Variants in AFF3 observed in about 807,000 individuals in gnomAD.
AFF3 encodes the protein AF4/FMR2 family member 3.
A neutral mutation model predicts 129.7 loss-of-function variants in AFF3; 32 were observed. The ratio of observed to expected loss-of-function variants is 0.25; its 90% confidence interval spans 0.19 to 0.33. The LOEUF (loss-of-function observed/expected upper bound fraction) is 0.33. AFF3 is among the 10% of genes least tolerant of loss of function. AFF3 has a pLI of 1.00. For missense variants in AFF3, 1,373 were observed against 1,592.0 expected (o/e 0.86, Z 2.34); for synonymous variants, 644 against 635.4 (o/e 1.01, Z -0.20).
chr2:100,124,259 A>C (rs1692097157), intron 2 of AFF3, among the ~76,000 whole-genome samples: 1 of 152,140 alleles, frequency 6.6e-6, no homozygotes, highest in Non-Finnish European at 1.5e-5. Context: ...TTGAAGAAAA[A>C]ATTTCCAAAG....
chr2:100,102,474 TGTAA>T (rs924659999), intron 4 of AFF3, among the ~76,000 whole-genome samples: 4 of 152,152 alleles, frequency 2.6e-5, no homozygotes, highest in South Asian at 4.1e-4. Flanking sequence ...TTAAAAAACG[TGTAA>T]GTTTTTGTTT....
At position 100,026,231 on chromosome 2, in the gene AFF3, G is replaced by C. The variant is rs576222706; in HGVS notation, c.54-17299C>G. Among the ~76,000 whole-genome samples the C allele has an allele frequency of 2.1e-4, 32 of 152,118 alleles. No homozygotes were observed. The South Asian group carries it at 4.8e-3, about 23-fold the overall frequency. On this transcript the variant is annotated intron_variant, in intron 4 of 24. Coordinates refer to ENST00000672756, the MANE Select transcript of AFF3 (RefSeq NM_001386135.1). ...AAACAAACAATCCCATAAAAAAGTG[G>C]GCTAAGGACATGAATAGACAATTCT...
chr2:99,675,893 TAAAC>T (rs1687562394), intron 11 of AFF3, among the ~76,000 whole-genome samples: 3 of 151,620 alleles, frequency 2.0e-5, no homozygotes, highest in African/African-American at 2.4e-5. Flanking sequence ...AAACAATAAA[TAAAC>T]AAACAAAAGT....
At chr2:99,909,430 A>C (rs1177593558) in intron 7 of AFF3, among the ~76,000 whole-genome samples, 5 of 134,370 alleles carry the variant, frequency 3.7e-5, no homozygotes, top group African/African-American at 1.4e-4. Context: ...TAGCATTAGG[A>C]GATATACCTA....
chr2:99,770,930 G>T (rs767634383), intron 8 of AFF3, among the ~76,000 whole-genome samples: 25 of 152,232 alleles, frequency 1.6e-4, no homozygotes, highest in Middle Eastern at 3.4e-3. Flanking sequence ...TTTTGAAGCT[G>T]GGAGCTTTGT....
intron 8 of AFF3, among the ~76,000 whole-genome samples, chr2:99,812,757 G>A (rs1471230513): frequency 6.6e-6 from 1 of 152,040 alleles, no homozygotes; most frequent in Non-Finnish European, 1.5e-5. Context: ...TTATTCAGCT[G>A]TTTAAAAGCA....
intron 18 of AFF3, among the ~76,000 whole-genome samples, chr2:99,570,483 T>C (rs1676374865): frequency 6.6e-6 from 1 of 152,128 alleles, no homozygotes; most frequent in Non-Finnish European, 1.5e-5. Flanking sequence ...ACTACAGGTG[T>C]GTGCCACTAT....
In AFF3 at chr2:99,547,607, C is replaced by T. The variant is rs1674126172; in HGVS notation, c.*3867G>A. The stretch of plus-strand genomic sequence containing the variant: ...ACTGCACAGTTTCAAAGATGTGATT[C>T]ATAAATAATGTTGGCTGCACTGATT... On this transcript the variant is annotated 3_prime_UTR_variant, in exon 25 of 25. Transcript: ENST00000672756. The T allele has an allele frequency of 9.7e-6, 2 of 206,572 alleles. No individual in the cohort carries two copies. Among genetic ancestry groups the T allele is most frequent in the Non-Finnish European group, 2.0e-5 (2 of 101,408 alleles). 12.8% of individuals were successfully genotyped at this position (206,572 alleles called of 1,614,324 possible).
rs552278644 is a variant in AFF3, at chr2:99,594,884, GCAGCCTGA to G, written c.1372-603_1372-596del. On this transcript the variant is annotated intron_variant, in intron 14 of 24. Transcript: ENST00000672756. ...TTTCAGAGGTATTTGTGCATCTTTG[GCAGCCTGA>G]CTGGGTCAGTCTATCCTCAACCTGC... 1.4e-4 allele frequency among the ~76,000 whole-genome samples: 21 copies of G among 152,294 alleles called. 1 individual carries two copies. The East Asian group carries it at 2.9e-3, about 21-fold the overall frequency.
chr2:99,613,884 GT>G (rs1003378196), intron 13 of AFF3, among the ~76,000 whole-genome samples: 46 of 152,250 alleles, frequency 3.0e-4, no homozygotes, highest in African/African-American at 1.1e-3. Flanking sequence ...TTTAAGTCTT[GT>G]TTGATCAAAT....
intron 7 of AFF3, among the ~76,000 whole-genome samples, chr2:99,861,285 T>A (rs1690980158): frequency 6.6e-6 from 1 of 152,234 alleles, no homozygotes; most frequent in South Asian, 2.1e-4. Context: ...ATCCTTTCAA[T>A]GTAAGAACTC....
chr2:99,550,540 C>T lies in AFF3; in HGVS notation c.*934G>A. 4.3e-6 allele frequency: 1 copy of T among 232,350 alleles called. No homozygotes were observed. Among genetic ancestry groups the T allele is most frequent in the Admixed American group, 5.6e-5 (1 of 17,774 alleles). The allele number at this position is 232,350 out of a possible 1,614,324, so 14.4% of individuals were successfully genotyped here. Reference sequence around the variant, plus strand: ...ATTGGTGGAAAGAAAAGACTTGAAACAGATTGGCTGACAAATGCCATGTGG... The same window carrying T: ...ATTGGTGGAAAGAAAAGACTTGAAATAGATTGGCTGACAAATGCCATGTGG... On this transcript the variant is annotated 3_prime_UTR_variant, in exon 25 of 25. Coordinates refer to ENST00000672756, the MANE Select transcript of AFF3 (RefSeq NM_001386135.1).
At chr2:100,005,685 T>C (rs1037049007) in intron 7 of AFF3, among the ~76,000 whole-genome samples, 2 of 152,220 alleles carry the variant, frequency 1.3e-5, no homozygotes, top group African/African-American at 2.4e-5. Flanking sequence ...AAACATCTCA[T>C]AGATTAAAAA....
At chr2:99,613,523 T>G (rs1681130221) in intron 13 of AFF3, among the ~76,000 whole-genome samples, 1 of 152,208 alleles carries the variant, frequency 6.6e-6, no homozygotes, top group Admixed American at 6.5e-5. Context: ...TATATAATGT[T>G]CTCTTATAAT....
chr2:99,812,869 T>C (rs1218109143), intron 8 of AFF3, among the ~76,000 whole-genome samples: 1 of 152,238 alleles, frequency 6.6e-6, no homozygotes, highest in Non-Finnish European at 1.5e-5. Context: ...TTCTTTAGCA[T>C]ATGGAACAAA....
intron 2 of AFF3, among the ~76,000 whole-genome samples, chr2:100,125,831 G>T (rs568375249): frequency 2.6e-5 from 4 of 152,170 alleles, no homozygotes; most frequent in East Asian, 3.9e-4. Context: ...AGCACAGCAG[G>T]GGGTGGGTGA....
intron 13 of AFF3, among the ~76,000 whole-genome samples, chr2:99,615,641 A>G (rs1221994568): frequency 6.6e-6 from 1 of 152,224 alleles, no homozygotes; most frequent in Non-Finnish European, 1.5e-5. Flanking sequence ...AGTGACTGCC[A>G]TCTGGTGGGC....
chr2:99,613,963 C>A (rs531903777), intron 13 of AFF3, among the ~76,000 whole-genome samples: 3 of 152,212 alleles, frequency 2.0e-5, no homozygotes, highest in East Asian at 3.9e-4. Flanking sequence ...CACTTAGGTC[C>A]AAAAATAAAC....
chr2:99,845,213 G>C (rs774778137), intron 7 of AFF3, among the ~76,000 whole-genome samples: 1 of 152,172 alleles, frequency 6.6e-6, no homozygotes, highest in Non-Finnish European at 1.5e-5. Flanking sequence ...GTAAATTAGA[G>C]AGTAAGTATC....
Sources: gnomAD v4.1 joint callset for allele counts (sites outside exome capture counted in the v4.1 genomes callset) on GRCh38, gnomAD v4.1.1 for gene constraint, MANE v1.5 for transcripts, NCBI Gene and HGNC (gene_info 2026-07-23, HGNC 2026-07-21) for gene names.